RNF216: variants seen among roughly 807,000 people sequenced by gnomAD.
RNF216 encodes the protein ring finger protein 216, also known as E3 ubiquitin-protein ligase RNF216.
RNF216 carries 72 observed loss-of-function variants against 110.8 expected under a neutral mutation model. The ratio of observed to expected loss-of-function variants is 0.65; its 90% CI spans 0.54 to 0.79. The LOEUF (loss-of-function observed/expected upper bound fraction) is 0.79, where lower values mean the gene tolerates loss of function less well. Among genes scored for constraint, RNF216 ranks in the 30% least tolerant of loss-of-function variants. The probability of loss-of-function intolerance (pLI) is 0.00; values close to 1 mark genes in which losing one functional copy is unlikely to be tolerated. For missense variants in RNF216, 1,342 were observed against 1,141.2 expected (o/e 1.18, Z -2.54); for synonymous variants, 495 against 407.5 (o/e 1.21, Z -2.59).
intron 14 of RNF216, among the ~76,000 whole-genome samples, chr7:5,641,834 A>G (rs535588581): frequency 1.9e-4 from 29 of 152,146 alleles, no homozygotes; most frequent in East Asian, 9.7e-4. Flanking sequence ...CAGGAGTTTG[A>G]GACCAGCCTG....
At chr7:5,717,435 A>G (rs1185233474) in intron 9 of RNF216, among the ~76,000 whole-genome samples, 1 of 152,250 alleles carries the variant, frequency 6.6e-6, no homozygotes, top group Non-Finnish European at 1.5e-5. Context: ...ACCCCCACAC[A>G]TTACTGGTGA....
chr7:5,701,193 G>A (rs554006542), intron 13 of RNF216, among the ~76,000 whole-genome samples: 2 of 152,290 alleles, frequency 1.3e-5, no homozygotes, highest in East Asian at 1.9e-4. Flanking sequence ...AAGGAGAGCT[G>A]TCATTTCTTA....
chr7:5,717,567 A>G (rs1793142593), intron 9 of RNF216, among the ~76,000 whole-genome samples: 1 of 152,208 alleles, frequency 6.6e-6, no homozygotes, highest in African/African-American at 2.4e-5. Context: ...GCACAAACTT[A>G]TCATGGCACT....
At chr7:5,652,730 A>G (rs1429281832) in intron 13 of RNF216, among the ~76,000 whole-genome samples, 1 of 152,076 alleles carries the variant, frequency 6.6e-6, no homozygotes, top group African/African-American at 2.4e-5. Context: ...AGCACTTTGG[A>G]AGGCTGTGGC....
At chr7:5,660,208 C>T (rs891864114) in intron 13 of RNF216, among the ~76,000 whole-genome samples, 1 of 148,252 alleles carries the variant, frequency 6.7e-6, no homozygotes, top group East Asian at 2.0e-4. Flanking sequence ...CCACCATGGC[C>T]TCCCAAACTG....
Position 5,624,133 on chromosome 7 carries a change from G to C in RNF216, c.2383-8C>G. The C allele has an allele frequency of 1.2e-6, 2 of 1,611,772 alleles. No individual in the cohort carries two copies. The highest frequency in any genetic ancestry group is 1.7e-6 in the Non-Finnish European group (2 of 1,178,950). ...AAGCTTCTCATCATCTTCCTAAAAC[G>C]CAAGCAATGAGAAGGATGAACCTGT... is the stretch of plus-strand genomic sequence containing the variant. On this transcript the variant is annotated splice_polypyrimidine_tract_variant and splice_region_variant and intron_variant, in intron 15 of 16. Coordinates refer to ENST00000389902, the MANE Select transcript of RNF216 (RefSeq NM_207111.4). This position sits in a 1 kb window ranked among gnomAD's most constrained non-coding sequence, Gnocchi z 4.4.
chr7:5,743,892 G>A (rs1275683766), intron 3 of RNF216, among the ~76,000 whole-genome samples: 1 of 152,142 alleles, frequency 6.6e-6, no homozygotes, highest in Non-Finnish European at 1.5e-5. Context: ...GTGAGGTGCT[G>A]GTGCTCTTAC....
At chr7:5,671,769 C>T (rs950842637) in intron 13 of RNF216, among the ~76,000 whole-genome samples, 2 of 132,834 alleles carry the variant, frequency 1.5e-5, no homozygotes, top group East Asian at 4.7e-4. Flanking sequence ...TGTGCCACTG[C>T]ACTCTAGCCT....
intron 1 of RNF216, among the ~76,000 whole-genome samples, chr7:5,777,829 A>C (rs1359048284): frequency 6.6e-6 from 1 of 152,260 alleles, no homozygotes; most frequent in Non-Finnish European, 1.5e-5. Context: ...TAAATCAAAA[A>C]TTAAACTCAA....
intron 13 of RNF216, among the ~76,000 whole-genome samples, chr7:5,660,353 G>A (rs969994046): frequency 6.6e-5 from 8 of 121,534 alleles, no homozygotes; most frequent in Non-Finnish European, 9.5e-5. Flanking sequence ...GTGCAGTGGC[G>A]CAATCTCGGC....
intron 1 of RNF216, among the ~76,000 whole-genome samples, chr7:5,770,092 G>T (rs1453822227): frequency 7.2e-6 from 1 of 138,040 alleles, no homozygotes; most frequent in Non-Finnish European, 1.5e-5. Flanking sequence ...CACGCCTGTA[G>T]TCCCACCACT....
intron 13 of RNF216, among the ~76,000 whole-genome samples, chr7:5,709,837 C>G (rs1310180158): frequency 6.6e-6 from 1 of 152,180 alleles, no homozygotes; most frequent in Non-Finnish European, 1.5e-5. Flanking sequence ...TCAGTGCAGC[C>G]TCAATCTCCT....
At chr7:5,746,017 G>A (rs1795012005) in intron 3 of RNF216, among the ~76,000 whole-genome samples, 1 of 151,538 alleles carries the variant, frequency 6.6e-6, no homozygotes. Flanking sequence ...TTGTAATTTT[G>A]TCCTTTGACA....
At position 5,752,593 on chromosome 7, in the gene RNF216, ATGT is replaced by A. The variant is rs1197639072; in HGVS notation, c.201+250_201+252del. On this transcript the variant is annotated intron_variant, in intron 3 of 16. Transcript: ENST00000389902. Reference sequence around the variant, plus strand: ...CAATCCAACAGTAAGATACACTATAATGTTGTAGCAATGACAACAGTGGAATTT... The same window carrying A: ...CAATCCAACAGTAAGATACACTATAATGTAGCAATGACAACAGTGGAATTT... Among the ~76,000 whole-genome samples the A allele has an allele frequency of 2.0e-5, 3 of 152,332 alleles. No homozygotes were observed. The East Asian group carries it at 5.8e-4, about 29-fold the overall frequency.
At chr7:5,747,516 C>T (rs1294831833) in intron 3 of RNF216, among the ~76,000 whole-genome samples, 4 of 152,112 alleles carry the variant, frequency 2.6e-5, no homozygotes, top group East Asian at 1.9e-4. Flanking sequence ...TTCAGCTCTA[C>T]GGTGTTATCT....
intron 3 of RNF216, among the ~76,000 whole-genome samples, chr7:5,750,152 G>A (rs1795256265): frequency 6.6e-6 from 1 of 152,140 alleles, no homozygotes; most frequent in African/African-American, 2.4e-5. Flanking sequence ...ATGTTACCAA[G>A]GCTTTGACTG....
At chr7:5,723,300 T>G (rs2128637859) in intron 8 of RNF216, among the ~76,000 whole-genome samples, 1 of 152,326 alleles carries the variant, frequency 6.6e-6, no homozygotes, top group East Asian at 1.9e-4. Flanking sequence ...CAGTTCTTTT[T>G]GTAGTTTATC....
At chr7:5,695,452 G>C (rs1406263954) in intron 13 of RNF216, among the ~76,000 whole-genome samples, 2 of 152,184 alleles carry the variant, frequency 1.3e-5, no homozygotes, top group African/African-American at 4.8e-5. Context: ...TGCTGCCTCG[G>C]AGCCCGGACT....
At chr7:5,723,402 C>G (rs1377427661) in intron 8 of RNF216, among the ~76,000 whole-genome samples, 2 of 152,144 alleles carry the variant, frequency 1.3e-5, no homozygotes, top group African/African-American at 4.8e-5. Context: ...TAATCTCGCA[C>G]TTTGGGAGGC....
Sources: allele counts gnomAD v4.1 joint callset (sites outside exome capture counted in the v4.1 genomes callset), GRCh38; gene constraint gnomAD v4.1.1; non-coding constraint Gnocchi (gnomAD v3.1); transcripts MANE v1.5; gene names NCBI Gene and HGNC (gene_info 2026-07-23, HGNC 2026-07-21).